Variants in ITFG1 observed in about 807,000 individuals in gnomAD.
ITFG1 encodes integrin alpha FG-GAP repeat containing 1.
ITFG1 carries 34 observed loss-of-function variants against 81.8 expected under a neutral mutation model. The ratio of observed to expected loss-of-function variants is 0.42; its 90% CI spans 0.32 to 0.55. The LOEUF (loss-of-function observed/expected upper bound fraction) is 0.55. Among genes scored for constraint, ITFG1 ranks in the 20% least tolerant of loss-of-function variants. ITFG1 has a pLI of 0.17. For missense variants in ITFG1, 672 were observed against 755.4 expected, an observed-to-expected ratio of 0.89 and a Z score of 1.29; for synonymous variants, 285 against 270.6, an observed-to-expected ratio of 1.05 and a Z score of -0.52.
intron 10 of ITFG1, among the ~76,000 whole-genome samples, chr16:47,293,699 C>T (rs1316115626): frequency 6.6e-6 from 1 of 151,660 alleles, no homozygotes; most frequent in East Asian, 1.9e-4. Flanking sequence ...AATGGGGTTA[C>T]TTGTATTTGT....
chr16:47,177,478 G>T (rs1394140132), intron 14 of ITFG1, among the ~76,000 whole-genome samples: 3 of 152,128 alleles, frequency 2.0e-5, no homozygotes, highest in African/African-American at 7.2e-5. Context: ...CTGATAATGT[G>T]ACTATTTCCT....
In ITFG1 at chr16:47,172,953, G is replaced by A. The variant is rs148699885; in HGVS notation, c.1454-10289C>T. Among the ~76,000 whole-genome samples, 10 of 152,156 alleles carry A rather than the reference G, an allele frequency of 6.6e-5. No homozygotes were observed. In the East Asian group the frequency reaches 1.9e-3, roughly 29 times the overall value. On this transcript the variant is annotated intron_variant, in intron 14 of 17. Coordinates refer to ENST00000320640, the MANE Select transcript of ITFG1 (RefSeq NM_030790.5). The stretch of plus-strand genomic sequence containing the variant: ...TAACTGTGTCTTCATTTTCTACTCT[G>A]TAACCTCCCTCTTTCATTCTGCTGC...
At chr16:47,282,013 G>A (rs1034866159) in intron 10 of ITFG1, among the ~76,000 whole-genome samples, 9 of 150,798 alleles carry the variant, frequency 6.0e-5, no homozygotes, top group Admixed American at 6.6e-5. Context: ...CAGCTTCATG[G>A]GTACAATATA....
intron 14 of ITFG1, among the ~76,000 whole-genome samples, chr16:47,184,048 T>C (rs1596792331): frequency 6.6e-6 from 1 of 151,886 alleles, no homozygotes; most frequent in East Asian, 1.9e-4. Flanking sequence ...CAATGAAAGA[T>C]GAAATGAAGC....
At chr16:47,292,261 C>T (rs1966916639) in intron 10 of ITFG1, among the ~76,000 whole-genome samples, 1 of 152,160 alleles carries the variant, frequency 6.6e-6, no homozygotes, top group African/African-American at 2.4e-5. Flanking sequence ...ATCCACCTGC[C>T]TTGGCTTTCC....
At chr16:47,250,735 C>T (rs1403318061) in intron 12 of ITFG1, among the ~76,000 whole-genome samples, 2 of 152,286 alleles carry the variant, frequency 1.3e-5, no homozygotes, top group East Asian at 3.9e-4. Context: ...TTGAGAAATT[C>T]TTAAAGGATA....
chr16:47,266,841 ATATCTATATAACAAAATTC>A (rs1417028879), intron 10 of ITFG1, among the ~76,000 whole-genome samples: 1 of 152,244 alleles, frequency 6.6e-6, no homozygotes, highest in Non-Finnish European at 1.5e-5. Flanking sequence ...AAAATGTGGT[ATATCTATATAACAAAATTC>A]TATTTGGCCA....
intron 8 of ITFG1, among the ~76,000 whole-genome samples, chr16:47,347,826 G>C (rs1172724128): frequency 6.6e-6 from 1 of 152,190 alleles, no homozygotes. Context: ...CACATGGCCG[G>C]GTACCCCTCT....
At chr16:47,242,765 T>C (rs1040817891) in intron 12 of ITFG1, among the ~76,000 whole-genome samples, 7 of 152,136 alleles carry the variant, frequency 4.6e-5, no homozygotes, top group Non-Finnish European at 2.9e-5. Context: ...GGGACATCTG[T>C]TAAAAAATAC....
At chr16:47,156,884 T>C (rs1964718455) in intron 17 of ITFG1, among the ~76,000 whole-genome samples, 1 of 152,152 alleles carries the variant, frequency 6.6e-6, no homozygotes, top group African/African-American at 2.4e-5. Flanking sequence ...GGATATTCAC[T>C]AGAGCTTTTT....
intron 8 of ITFG1, among the ~76,000 whole-genome samples, chr16:47,352,187 C>A (rs1485270633): frequency 6.6e-6 from 1 of 152,158 alleles, no homozygotes; most frequent in Non-Finnish European, 1.5e-5. Context: ...GCAATGGCAA[C>A]AAAAGCCAAA....
chr16:47,421,293 CACACACACACACATACAT>C (rs1596972533), intron 6 of ITFG1, among the ~76,000 whole-genome samples: 2 of 149,444 alleles, frequency 1.3e-5, no homozygotes, highest in Non-Finnish European at 1.5e-5. Flanking sequence ...CACACACACA[CACACACACACACATACAT>C]ATTTTTTTTT....
At chr16:47,231,098 C>T (rs1372958418) in intron 13 of ITFG1, among the ~76,000 whole-genome samples, 1 of 152,182 alleles carries the variant, frequency 6.6e-6, no homozygotes, top group African/African-American at 2.4e-5. Flanking sequence ...CCAGGACATA[C>T]TGTCAAGAAA....
intron 8 of ITFG1, among the ~76,000 whole-genome samples, chr16:47,323,069 G>A (rs1218851631): frequency 6.6e-6 from 1 of 151,964 alleles, no homozygotes; most frequent in African/African-American, 2.4e-5. Flanking sequence ...CTGTTTTGCT[G>A]AGTATACCAA....
chr16:47,198,581 A>G (rs990197617), intron 14 of ITFG1, among the ~76,000 whole-genome samples: 1 of 152,216 alleles, frequency 6.6e-6, no homozygotes, highest in Non-Finnish European at 1.5e-5. Context: ...TTTAAAAACA[A>G]AAAGTTCACT....
At chr16:47,157,585 T>C (rs1463767107) in intron 17 of ITFG1, 1 of 152,230 alleles carries the variant, frequency 6.6e-6, no homozygotes, top group African/African-American at 2.4e-5. Context: ...TCAGATGATA[T>C]TCTGATACTT....
chr16:47,157,056 T>G (rs1331126297), intron 17 of ITFG1, among the ~76,000 whole-genome samples: 1 of 151,642 alleles, frequency 6.6e-6, no homozygotes, highest in Non-Finnish European at 1.5e-5. Flanking sequence ...AGAAGTGGAG[T>G]CAGCTGTAGA....
At chr16:47,312,059 T>A (rs2151564736) in intron 9 of ITFG1, 1 of 152,288 alleles carries the variant, frequency 6.6e-6, no homozygotes, top group East Asian at 1.9e-4. Flanking sequence ...ATTCCTTTAT[T>A]TCTATATTAA....
intron 8 of ITFG1, among the ~76,000 whole-genome samples, chr16:47,352,994 G>A (rs1028735955): frequency 6.6e-6 from 1 of 151,890 alleles, no homozygotes; most frequent in African/African-American, 2.4e-5. Context: ...TCACTCATAG[G>A]TGGGAATTGA....
Sources: allele counts gnomAD v4.1 joint callset (sites outside exome capture counted in the v4.1 genomes callset), GRCh38; gene constraint gnomAD v4.1.1; transcripts MANE v1.5; gene names NCBI Gene and HGNC (gene_info 2026-07-23, HGNC 2026-07-21).